Variants in TGFBRAP1 observed in about 807,000 individuals in gnomAD.
The protein encoded by TGFBRAP1 is transforming growth factor-beta receptor-associated protein 1.
A neutral mutation model predicts 83.2 loss-of-function variants in TGFBRAP1; 20 were observed. That is an observed-to-expected ratio of 0.24 (90% CI 0.17 to 0.35). The LOEUF (loss-of-function observed/expected upper bound fraction) is 0.35, where lower values mean the gene tolerates loss of function less well. Ranked by LOEUF, TGFBRAP1 falls within the 10% of genes least tolerant of loss-of-function variation. The pLI is 1.00. For missense variants in TGFBRAP1, 950 were observed against 1,099.4 expected, an observed-to-expected ratio of 0.86 and a Z score of 1.92; for synonymous variants, 415 against 459.8, an observed-to-expected ratio of 0.90 and a Z score of 1.25.
chr2:105,303,269 G>T (rs1390441861), intron 2 of TGFBRAP1, among the ~76,000 whole-genome samples: 1 of 152,124 alleles, frequency 6.6e-6, no homozygotes, highest in African/African-American at 2.4e-5. Flanking sequence ...GTTTCTAAAA[G>T]AATAAAATAA....
intron 1 of TGFBRAP1, among the ~76,000 whole-genome samples, chr2:105,326,169 T>C (rs1679221474): frequency 6.6e-6 from 1 of 152,168 alleles, no homozygotes; most frequent in Non-Finnish European, 1.5e-5. Flanking sequence ...TTTAAATACA[T>C]ATAAACATAT....
Position 105,280,945 on chromosome 2 carries a change from G to C in TGFBRAP1, c.1122-222C>G, listed in dbSNP as rs1242034923. 2.0e-5 allele frequency among the ~76,000 whole-genome samples: 3 copies of C among 152,084 alleles called. No homozygotes were observed. In the South Asian group the frequency reaches 6.2e-4, roughly 32 times the overall value. ...GGCTCCAAAAAAGAACAGAAGGGAC[G>C]AAGGTGAAAGACACATACAGAACTG... On this transcript the variant is annotated intron_variant, in intron 5 of 11. Transcript: ENST00000393359.
chr2:105,287,569 T>C (rs1308612362), intron 4 of TGFBRAP1, among the ~76,000 whole-genome samples: 1 of 152,014 alleles, frequency 6.6e-6, no homozygotes, highest in East Asian at 1.9e-4. Flanking sequence ...GGTTATTCTA[T>C]CCCTCCACGC....
rs1049570291 is a variant in TGFBRAP1, at chr2:105,265,882, T to C, written c.*1501A>G. 6.6e-6 allele frequency: 1 copy of C among 152,336 alleles called. No homozygotes were observed. The highest frequency in any genetic ancestry group is 1.5e-5 in the Non-Finnish European group (1 of 68,032). 9.4% of individuals were successfully genotyped at this position (152,336 alleles called of 1,614,324 possible). A position where few individuals can be genotyped will look rare whatever the true frequency, so the allele number is the denominator to read the frequency against. ...TGGACCAATATTAGTTCACGAAACA[T>C]GTTTTAAAGAACAGAGAATGAGGTC... On this transcript the variant is annotated 3_prime_UTR_variant, in exon 12 of 12. Transcript: ENST00000393359.
chr2:105,321,523 A>G (rs901395770), intron 1 of TGFBRAP1, among the ~76,000 whole-genome samples: 26 of 151,352 alleles, frequency 1.7e-4, no homozygotes, highest in African/African-American at 5.8e-4. Context: ...ACTTTTATAG[A>G]AAAAAAAATG....
chr2:105,298,760 T>C, intron 2 of TGFBRAP1, 55 bp from the exon 3 acceptor site: 1 of 1,497,934 alleles, frequency 6.7e-7, no homozygotes, highest in Non-Finnish European at 9.0e-7. Flanking sequence ...GGTGTCATTT[T>C]CCTGTAGCTA....
chr2:105,282,384 T>C (rs936599423), intron 5 of TGFBRAP1, among the ~76,000 whole-genome samples: 6 of 152,234 alleles, frequency 3.9e-5, no homozygotes, highest in African/African-American at 1.4e-4. Flanking sequence ...AACTAGCTGG[T>C]AACTGTGGCC....
At chr2:105,287,054 A>T (rs1677741219) in intron 4 of TGFBRAP1, among the ~76,000 whole-genome samples, 2 of 152,236 alleles carry the variant, frequency 1.3e-5, no homozygotes, top group South Asian at 4.1e-4. Flanking sequence ...GCTGCAACAC[A>T]GATGAACGTT....
rs545714516 is a variant in TGFBRAP1, at chr2:105,266,866, G to C, written c.*517C>G. ...CTGGGAAATGGGCCCATGAGTGAGC[G>C]GCGTGGATGGAGAACGTGTTTCTGC... is the stretch of plus-strand genomic sequence containing the variant. On this transcript the variant is annotated 3_prime_UTR_variant, in exon 12 of 12. Transcript: ENST00000393359. 6.5e-6 allele frequency: 1 copy of C among 153,232 alleles called. No homozygotes were observed. Among genetic ancestry groups the C allele is most frequent in the South Asian group, 2.1e-4 (1 of 4,868 alleles). The allele number at this position is 153,232 out of a possible 1,614,324, so 9.5% of individuals were successfully genotyped here.
intron 1 of TGFBRAP1, among the ~76,000 whole-genome samples, chr2:105,324,724 T>C (rs1395328452): frequency 1.3e-5 from 2 of 152,140 alleles, no homozygotes; most frequent in African/African-American, 4.8e-5. Flanking sequence ...AGCTGACTCC[T>C]GCTGTGTTCA....
the TGFBRAP1 span, among the ~76,000 whole-genome samples, chr2:105,251,423 G>A: frequency 2.0e-5 from 3 of 150,828 alleles, no homozygotes; most frequent in African/African-American, 4.9e-5. Flanking sequence ...CTGCCGCCCC[G>A]TCTGGGAGGT....
chr2:105,265,011 G>A lies in TGFBRAP1; in HGVS notation c.*2372C>T, dbSNP rs1676873361. 1 of 152,214 alleles carries A rather than the reference G, an allele frequency of 6.6e-6. No homozygotes were observed. The highest frequency in any genetic ancestry group is 1.5e-5 in the Non-Finnish European group (1 of 68,034). The allele number at this position is 152,214 out of a possible 1,614,324, so 9.4% of individuals were successfully genotyped here. Reference sequence around the variant, plus strand: ...TTGTAGGAGTGAGAGAAAGGTTAGAGAAAAGTACAGTTTTAACATATGAGA... The same window carrying A: ...TTGTAGGAGTGAGAGAAAGGTTAGAAAAAAGTACAGTTTTAACATATGAGA... On this transcript the variant is annotated 3_prime_UTR_variant, in exon 12 of 12. Transcript: ENST00000393359.
Position 105,277,688 on chromosome 2 carries a change from C to A in TGFBRAP1, c.1464-17G>T. ...GCAAAATACCTGAAACAGAACAACA[C>A]GGTAAGTACAACCTCTCCCCATCAG... On this transcript the variant is annotated splice_polypyrimidine_tract_variant and intron_variant, in intron 6 of 11. Coordinates refer to ENST00000393359, the MANE Select transcript of TGFBRAP1 (RefSeq NM_004257.6). 1 of 1,613,744 alleles carries A rather than the reference C, an allele frequency of 6.2e-7. No individual in the cohort carries two copies. Among genetic ancestry groups the A allele is most frequent in the South Asian group, 1.1e-5 (1 of 91,068 alleles).
rs771956224 is a variant in TGFBRAP1 at position 105,273,567 on chromosome 2, G to C, written c.1789C>G (p.Leu597Val). ...PKALVKYLEH[L>V]VIDKRLQKEE... Reference sequence around the variant, plus strand: ...ACCTGCAGTCTCTTGTCTATCACAAGATGTTCCAGATACTTCACAAGGGCT... The same window carrying C: ...ACCTGCAGTCTCTTGTCTATCACAACATGTTCCAGATACTTCACAAGGGCT... The change falls in exon 9 of 12, where the codon CTT becomes GTT. Residue 597 changes from leucine to valine, a missense_variant. Physicochemically the swap from Leu to Val is conservative, Grantham distance 32. Transcript: ENST00000393359. 6.2e-7 allele frequency: 1 copy of C among 1,614,168 alleles called. No individual in the cohort carries two copies. Among genetic ancestry groups the C allele is most frequent in the East Asian group, 2.2e-5 (1 of 44,868 alleles).
intron 1 of TGFBRAP1, 74 bp from the exon 2 acceptor site, chr2:105,308,392 G>A (rs1418575971): frequency 1.8e-5 from 24 of 1,328,802 alleles, no homozygotes; most frequent in Non-Finnish European, 2.2e-5. Context: ...ATAATGATAC[G>A]TGGATTCCCT....
At chr2:105,316,424 T>A (rs1387540329) in intron 1 of TGFBRAP1, among the ~76,000 whole-genome samples, 3 of 54,874 alleles carry the variant, frequency 5.5e-5, no homozygotes, top group South Asian at 8.4e-4. Flanking sequence ...ATAGGGAGTG[T>A]GTGTGTGTGT....
chr2:105,295,141 A>T (rs1050603342), intron 4 of TGFBRAP1, among the ~76,000 whole-genome samples: 3 of 152,240 alleles, frequency 2.0e-5, no homozygotes, highest in African/African-American at 7.2e-5. Flanking sequence ...TGAAAACTTT[A>T]TCAACGTTTA....
chr2:105,322,165 A>G (rs151192457), intron 1 of TGFBRAP1, among the ~76,000 whole-genome samples: 94 of 152,268 alleles, frequency 6.2e-4, no homozygotes, highest in African/African-American at 2.2e-3. Flanking sequence ...TTCATTTTTA[A>G]CCAAAAAGTT....
intron 1 of TGFBRAP1, among the ~76,000 whole-genome samples, chr2:105,309,300 G>C (rs530577029): frequency 5.3e-5 from 8 of 152,216 alleles, no homozygotes; most frequent in Admixed American, 1.3e-4. Flanking sequence ...AGAGAATGAC[G>C]GGAGCTGCAG....
Sources: gnomAD v4.1 joint callset for allele counts (sites outside exome capture counted in the v4.1 genomes callset) on GRCh38, gnomAD v4.1.1 for gene constraint, MANE v1.5 for transcripts, NCBI Gene and HGNC (gene_info 2026-07-23, HGNC 2026-07-21) for gene names.